NECAB3: variants seen among roughly 807,000 people sequenced by gnomAD.
NECAB3 encodes N-terminal EF-hand calcium binding protein 3.
A neutral mutation model predicts 57.2 loss-of-function variants in NECAB3; 38 were observed. That is an observed-to-expected ratio of 0.66 (90% confidence interval 0.51 to 0.87). NECAB3 has a LOEUF of 0.87. Among genes scored for constraint, NECAB3 ranks in the 40% least tolerant of loss-of-function variants. NECAB3 has a pLI of 0.00. For synonymous variants in NECAB3, 223 were observed against 222.6 expected (o/e 1.00, Z -0.02); for missense variants, 474 against 527.5 (o/e 0.90, Z 0.99).
chr20:33,660,338 T>A lies in NECAB3; in HGVS notation c.445A>T (p.Thr149Ser). 1.2e-6 allele frequency: 2 copies of A among 1,613,350 alleles called. No individual in the cohort carries two copies. Among genetic ancestry groups the A allele is most frequent in the Non-Finnish European group, 1.7e-6 (2 of 1,179,922 alleles). The change falls in exon 6 of 12, where the codon ACG becomes TCG. Residue 149 changes from threonine to serine, a missense_variant. Coordinates refer to ENST00000246190, the MANE Select transcript of NECAB3 (RefSeq NM_031232.4). This position sits in a 1 kb window ranked among gnomAD's most constrained non-coding sequence, Gnocchi z 4.1. ...TGAAGGGCTTGCAGCTGGCTCACCG[T>A]CTCCCGCAGCAGGAAGCGCGTCACA... ...QFVTRFLLRETVSQLQALQSS... is the reference protein window; with the variant it reads ...QFVTRFLLRESVSQLQALQSS...
At position 33,667,662 on chromosome 20, in the gene NECAB3, C is replaced by T. The variant is rs1010456199; in HGVS notation, c.387+1713G>A. 5.0e-6 allele frequency: 8 copies of T among 1,611,034 alleles called. No individual in the cohort carries two copies. In the African/African-American group the frequency reaches 6.7e-5, roughly 13 times the overall value. On this transcript the variant is annotated intron_variant, in intron 5 of 11. Coordinates refer to ENST00000246190, the MANE Select transcript of NECAB3 (RefSeq NM_031232.4). Reference sequence around the variant, plus strand: ...TGGCAGGCAGCACCCTGTCGCGCTACCTGCGGGATCTGCTGGTGGCGGCGA... The same window carrying T: ...TGGCAGGCAGCACCCTGTCGCGCTATCTGCGGGATCTGCTGGTGGCGGCGA...
intron 5 of NECAB3, chr20:33,662,660 C>A (rs1344107601): frequency 6.0e-6 from 4 of 665,058 alleles, no homozygotes; most frequent in African/African-American, 3.7e-5. Flanking sequence ...GGATGGGGGT[C>A]CTTTCAAGGT....
At chr20:33,658,303 T>C (rs886876093) in intron 10 of NECAB3, among the ~76,000 whole-genome samples, 174 bp downstream of exon 10, 8 of 152,112 alleles carry the variant, frequency 5.3e-5, no homozygotes, top group East Asian at 3.9e-4. Flanking sequence ...CTTTAGCCCA[T>C]AGGAGTTGGA....
intron 5 of NECAB3, chr20:33,662,329 T>C: frequency 1.3e-6 from 2 of 1,550,320 alleles, no homozygotes; most frequent in South Asian, 1.2e-5. Flanking sequence ...TCGTCCCCAG[T>C]GGTGACCAGC....
chr20:33,657,978 G>C lies in NECAB3; in HGVS notation c.1126C>G (p.Arg376Gly). 6.4e-7 allele frequency: 1 copy of C among 1,557,050 alleles called. No individual in the cohort carries two copies. Among genetic ancestry groups the C allele is most frequent in the South Asian group, 1.2e-5 (1 of 84,356 alleles). ...AFQRILIDHL[R>G]APDTLTTVFF... ...ACAGTGGTGAGGGTGTCCGGGGCCCGCAGGTGGTCGATGAGGATGCGCTGG... is the reference window on the plus strand; with the variant it reads ...ACAGTGGTGAGGGTGTCCGGGGCCCCCAGGTGGTCGATGAGGATGCGCTGG... Residue 376 changes from arginine to glycine, a missense_variant, in exon 11 of 12, where the codon CGG becomes GGG. By Grantham distance (125) the Arg-to-Gly change is moderately radical. Transcript: ENST00000246190.
intron 10 of NECAB3, 145 bp from the exon 11 acceptor site, chr20:33,658,178 A>C (rs182006648): frequency 6.8e-6 from 5 of 735,018 alleles, no homozygotes; most frequent in Non-Finnish European, 8.9e-6. Flanking sequence ...GGGTGGAATG[A>C]AGGGCACTGC....
Position 33,667,626 on chromosome 20 carries a change from C to T in NECAB3, c.387+1749G>A, listed in dbSNP as rs750383433. On this transcript the variant is annotated intron_variant, in intron 5 of 11. Coordinates refer to ENST00000246190, the MANE Select transcript of NECAB3 (RefSeq NM_031232.4). ...GTCACTCGTGGCACCAGGCCACCTT[C>T]CGACTGAACGTGGCAGGCAGCACCC... 8 of 1,601,794 alleles carry T rather than the reference C, an allele frequency of 5.0e-6. No homozygotes were observed. The Admixed American group carries it at 1.0e-4, about 20-fold the overall frequency.
intron 1 of NECAB3, among the ~76,000 whole-genome samples, chr20:33,673,307 T>A (rs1000188291): frequency 6.6e-6 from 1 of 152,026 alleles, no homozygotes; most frequent in African/African-American, 2.4e-5. Flanking sequence ...GCCAGCCCCC[T>A]CCAGGGTCCT....
intron 5 of NECAB3, chr20:33,662,603 C>T (rs935964467): frequency 1.9e-6 from 2 of 1,045,618 alleles, no homozygotes; most frequent in Non-Finnish European, 2.7e-6. Flanking sequence ...GGGAGGAATT[C>T]GAAAATCTCT....
intron 3 of NECAB3, chr20:33,670,344 A>C: frequency 3.8e-6 from 1 of 261,500 alleles, no homozygotes; most frequent in Non-Finnish European, 7.3e-6. Context: ...CACAAGGGGT[A>C]GATGGTTGCG....
At chr20:33,668,943 G>A (rs1029432563) in intron 5 of NECAB3, among the ~76,000 whole-genome samples, 22 of 152,298 alleles carry the variant, frequency 1.4e-4, no homozygotes, top group African/African-American at 4.8e-4. Context: ...GCCTACTCAC[G>A]TATGTCCTCG....
In NECAB3 at chr20:33,660,452, T is replaced by A; in HGVS notation, c.388-57A>T. On this transcript the variant is annotated intron_variant, in intron 5 of 11. Coordinates refer to ENST00000246190, the MANE Select transcript of NECAB3 (RefSeq NM_031232.4). The surrounding 1 kb of genome is among the most constrained non-coding windows in gnomAD (Gnocchi z 4.1). ...CCAGCCCGGGCACTGATCTCTTGAG[T>A]GGGTCCCCTGCCTCTTGCCCATCAG... 3 of 1,591,396 alleles carry A rather than the reference T, an allele frequency of 1.9e-6. No individual in the cohort carries two copies. Among genetic ancestry groups the A allele is most frequent in the South Asian group, 1.1e-5 (1 of 89,522 alleles).
At position 33,662,321 on chromosome 20, in the gene NECAB3, G is replaced by A. The variant is rs1446510366; in HGVS notation, c.388-1926C>T. 41 of 1,549,864 alleles carry A rather than the reference G, an allele frequency of 2.6e-5. 1 individual carries two copies. Among genetic ancestry groups the A allele is most frequent in the East Asian group, 1.2e-4 (5 of 40,908 alleles). ...CAGAGCAGACGGAGTGTGGGCCATC[G>A]TCCCCAGTGGTGACCAGCCCTGCCA... On this transcript the variant is annotated intron_variant, in intron 5 of 11. Transcript: ENST00000246190.
At chr20:33,667,217 A>C in intron 5 of NECAB3, 1 of 354,018 alleles carries the variant, frequency 2.8e-6, no homozygotes, top group Non-Finnish European at 5.0e-6. Context: ...ATAGTGCTGA[A>C]GAGCTCTAGC....
intron 5 of NECAB3, chr20:33,662,212 CTG>C: frequency 8.3e-7 from 1 of 1,198,976 alleles, no homozygotes; most frequent in African/African-American, 1.5e-5. Flanking sequence ...CCAGATTCAC[CTG>C]TGGGCCCTGG....
intron 5 of NECAB3, chr20:33,662,878 G>A: frequency 5.2e-6 from 1 of 194,100 alleles, no homozygotes; most frequent in Non-Finnish European, 1.1e-5. Flanking sequence ...GGGATGCAGT[G>A]AGCCGTTGAC....
At chr20:33,658,613 G>A (rs762824986) in intron 9 of NECAB3, 59 bp from the exon 10 acceptor site, 56 of 1,604,984 alleles carry the variant, frequency 3.5e-5, no homozygotes, top group East Asian at 4.5e-5. Context: ...CTGCCTCCCC[G>A]GCCTGGGGCC....
At chr20:33,663,667 G>A (rs918386274) in intron 5 of NECAB3, 3 of 1,575,220 alleles carry the variant, frequency 1.9e-6, no homozygotes, top group Non-Finnish European at 2.6e-6. Context: ...CGAAGGTAGC[G>A]AGCGCGAGCC....
chr20:33,667,681 G>C (rs555819819), intron 5 of NECAB3: 4 of 1,611,880 alleles, frequency 2.5e-6, no homozygotes, highest in Non-Finnish European at 3.4e-6. Flanking sequence ...TCTGCTGGTG[G>C]CGGCGAACCC....
Sources: allele counts gnomAD v4.1 joint callset (sites outside exome capture counted in the v4.1 genomes callset), GRCh38; gene constraint gnomAD v4.1.1; non-coding constraint Gnocchi (gnomAD v3.1); transcripts MANE v1.5; gene names NCBI Gene and HGNC (gene_info 2026-07-23, HGNC 2026-07-21).